The following CDC42SE2 variants were observed in gnomAD, a reference collection of about 807,000 sequenced individuals.
CDC42SE2 encodes CDC42 small effector 2.
In CDC42SE2, 3 loss-of-function variants were observed where a neutral mutation model predicts 11.5. The observed-to-expected ratio is 0.26, with a 90% CI of 0.12 to 0.67. The LOEUF is 0.67. Ranked by LOEUF, CDC42SE2 falls within the 30% of genes least tolerant of loss-of-function variation. The pLI, the probability that CDC42SE2 is intolerant of heterozygous loss-of-function variation, is 0.80. For synonymous variants in CDC42SE2, 33 were observed against 34.8 expected, an observed-to-expected ratio of 0.95 and a Z score of 0.18; for missense variants, 82 against 106.8, an observed-to-expected ratio of 0.77 and a Z score of 1.02.
At chr5:131,323,743 TCTGTGTCATTTTACTTTA>T (rs1758243431) in intron 2 of CDC42SE2, among the ~76,000 whole-genome samples, 1 of 152,136 alleles carries the variant, frequency 6.6e-6, no homozygotes, top group African/African-American at 2.4e-5. Context: ...AATGAAAAAC[TCTGTGTCATTTTACTTTA>T]CATGAGAGGA....
chr5:131,308,156 T>C (rs1158265705), intron 1 of CDC42SE2, among the ~76,000 whole-genome samples: 2 of 152,190 alleles, frequency 1.3e-5, no homozygotes, highest in Admixed American at 1.3e-4. Flanking sequence ...TTCAGCTTTC[T>C]ACATAAGGCT....
chr5:131,269,931 C>T (rs752408424), intron 1 of CDC42SE2, among the ~76,000 whole-genome samples: 1 of 151,928 alleles, frequency 6.6e-6, no homozygotes, highest in African/African-American at 2.4e-5. Flanking sequence ...CGCGGTGGCT[C>T]AGGCCTGTAA....
chr5:131,308,229 A>T (rs1757820809), intron 1 of CDC42SE2, among the ~76,000 whole-genome samples: 1 of 152,062 alleles, frequency 6.6e-6, no homozygotes, highest in South Asian at 2.1e-4. Context: ...TGTTTTTCTC[A>T]GGTTTGTCAA....
intron 2 of CDC42SE2, among the ~76,000 whole-genome samples, chr5:131,316,582 G>A (rs73786641): frequency 2.2e-4 from 34 of 152,292 alleles, no homozygotes; most frequent in African/African-American, 7.7e-4. Context: ...TCTGCAAGAG[G>A]CTTTTGGGGA....
chr5:131,241,078 A>AC (rs1242153035), upstream of CDC42SE2, among the ~76,000 whole-genome samples: 3 of 152,128 alleles, frequency 2.0e-5, no homozygotes, highest in Non-Finnish European at 4.4e-5. Flanking sequence ...TCCTGGGTTC[A>AC]CGCCATTCTC....
intron 2 of CDC42SE2, among the ~76,000 whole-genome samples, chr5:131,334,486 A>C (rs1196847866): frequency 6.6e-6 from 1 of 152,086 alleles, no homozygotes; most frequent in East Asian, 1.9e-4. Context: ...CCCTAAAATG[A>C]GTTAGGGAGG....
At chr5:131,235,689 A>G in the CDC42SE2 span, among the ~76,000 whole-genome samples, 4 of 150,098 alleles carry the variant, frequency 2.7e-5, no homozygotes, top group African/African-American at 9.8e-5. Context: ...CCACCTCCCG[A>G]GTTCAAGCAA....
chr5:131,322,764 T>A (rs1352201743), intron 2 of CDC42SE2, among the ~76,000 whole-genome samples: 1 of 152,192 alleles, frequency 6.6e-6, no homozygotes, highest in Non-Finnish European at 1.5e-5. Context: ...TGAATGTGGG[T>A]GGGCAAATAT....
At chr5:131,378,778 A>G (rs963603463) in intron 3 of CDC42SE2, among the ~76,000 whole-genome samples, 2 of 152,186 alleles carry the variant, frequency 1.3e-5, no homozygotes, top group Admixed American at 1.3e-4. Context: ...GAACACCACC[A>G]CCTTCTTTTC....
chr5:131,352,045 A>G (rs1749342516), intron 2 of CDC42SE2, among the ~76,000 whole-genome samples: 1 of 152,202 alleles, frequency 6.6e-6, no homozygotes, highest in African/African-American at 2.4e-5. Flanking sequence ...AAAAGACTTA[A>G]TATCACCAGT....
chr5:131,252,323 C>G (rs1580715287), intron 1 of CDC42SE2, among the ~76,000 whole-genome samples: 1 of 152,184 alleles, frequency 6.6e-6, no homozygotes, highest in Non-Finnish European at 1.5e-5. Flanking sequence ...ACCTTTTGTC[C>G]TCCTGCCTGG....
the CDC42SE2 span, among the ~76,000 whole-genome samples, chr5:131,221,349 C>T: frequency 6.6e-6 from 1 of 151,498 alleles, no homozygotes; most frequent in Non-Finnish European, 1.5e-5. Flanking sequence ...GCGTATTTTA[C>T]GTGTGGCTCA....
intron 3 of CDC42SE2, among the ~76,000 whole-genome samples, chr5:131,379,760 G>A (rs1035201866): frequency 2.0e-5 from 3 of 152,062 alleles, no homozygotes; most frequent in African/African-American, 4.8e-5. Context: ...GATGGTTGAC[G>A]GTCTTAACAA....
chr5:131,349,729 G>T (rs1266713531), intron 2 of CDC42SE2, among the ~76,000 whole-genome samples: 1 of 152,034 alleles, frequency 6.6e-6, no homozygotes, highest in East Asian at 1.9e-4. Flanking sequence ...TTAAAATAAT[G>T]AATATGAAGA....
intron 2 of CDC42SE2, among the ~76,000 whole-genome samples, chr5:131,329,684 A>AG (rs1758374690): frequency 6.6e-6 from 1 of 151,524 alleles, no homozygotes; most frequent in South Asian, 2.1e-4. Context: ...TTCAAGACCA[A>AG]CCTGGCCCAC....
At chr5:131,306,357 CTTTCTCTG>C (rs1040827095) in intron 1 of CDC42SE2, among the ~76,000 whole-genome samples, 9 of 152,176 alleles carry the variant, frequency 5.9e-5, no homozygotes, top group African/African-American at 1.9e-4. Flanking sequence ...AGAGACTGTC[CTTTCTCTG>C]TTTTGTGTTC....
At chr5:131,356,558 ATCT>A (rs1749553989) in intron 2 of CDC42SE2, among the ~76,000 whole-genome samples, 1 of 152,220 alleles carries the variant, frequency 6.6e-6, no homozygotes, top group African/African-American at 2.4e-5. Context: ...AATTGCAAAC[ATCT>A]TCTTGGTTTG....
chr5:131,290,366 C>T (rs1487476763), intron 1 of CDC42SE2, among the ~76,000 whole-genome samples: 1 of 151,908 alleles, frequency 6.6e-6, no homozygotes, highest in Non-Finnish European at 1.5e-5. Context: ...TTATCTTCTG[C>T]CTTAATTGGT....
chr5:131,370,375 TATC>T (rs1749983759), intron 3 of CDC42SE2, among the ~76,000 whole-genome samples: 1 of 152,094 alleles, frequency 6.6e-6, no homozygotes, highest in Non-Finnish European at 1.5e-5. Flanking sequence ...CATTGGAAAA[TATC>T]ATCTTGCCTC....
Sources: gnomAD v4.1 joint callset for allele counts (sites outside exome capture counted in the v4.1 genomes callset) on GRCh38, gnomAD v4.1.1 for gene constraint, MANE v1.5 for transcripts, NCBI Gene and HGNC (gene_info 2026-07-23, HGNC 2026-07-21) for gene names.